CROCC2: variants seen among roughly 807,000 people sequenced by gnomAD.
The protein encoded by CROCC2 is ciliary rootlet coiled-coil protein 2.
In CROCC2, 163 loss-of-function variants were observed where a neutral mutation model predicts 177.6. The ratio of observed to expected loss-of-function variants is 0.92; its 90% confidence interval spans 0.81 to 1.05. The LOEUF (loss-of-function observed/expected upper bound fraction) is 1.05. Among genes scored for constraint, CROCC2 ranks in the 50% least tolerant of loss-of-function variants. The pLI is 0.00. For synonymous variants in CROCC2, 904 were observed against 787.3 expected (o/e 1.15, Z -2.48); for missense variants, 1,929 against 1,797.8 (o/e 1.07, Z -1.32).
In CROCC2 at chr2:240,911,900, C is replaced by T. The variant is rs982448125; in HGVS notation, c.78+5309C>T. 1.6e-4 allele frequency among the ~76,000 whole-genome samples: 25 copies of T among 152,180 alleles called. 1 individual carries two copies. Among genetic ancestry groups the T allele is most frequent in the East Asian group, 5.8e-4 (3 of 5,198 alleles). On this transcript the variant is annotated intron_variant, in intron 1 of 31. Coordinates refer to ENST00000690015, the MANE Select transcript of CROCC2 (RefSeq NM_001351305.2). ...GTTTATTCATTCATCTCTGAATGGA[C>T]GCCTGGGTAGCTTCTGCCTGCCGGC...
At chr2:240,934,496 C>T in intron 12 of CROCC2, 21 bp downstream of exon 12, 1 of 1,541,894 alleles carries the variant, frequency 6.5e-7, no homozygotes, top group Non-Finnish European at 8.7e-7. Context: ...CTCCCCACAA[C>T]CCCGCCCCCT....
Position 240,949,439 on chromosome 2 carries a change from T to C in CROCC2, c.2483-94T>C. Reference sequence around the variant, plus strand: ...CACTCCCGGAGCCTGGAGTGGACAGTGCTTGCCCCCAAGACTGTCACTCCC... The same window carrying C: ...CACTCCCGGAGCCTGGAGTGGACAGCGCTTGCCCCCAAGACTGTCACTCCC... On this transcript the variant is annotated intron_variant, in intron 16 of 31. Coordinates refer to ENST00000690015, the MANE Select transcript of CROCC2 (RefSeq NM_001351305.2). This position sits in a 1 kb window ranked among gnomAD's most constrained non-coding sequence, Gnocchi z 4.5. The C allele has an allele frequency of 7.0e-7, 1 of 1,437,056 alleles. No homozygotes were observed. Among genetic ancestry groups the C allele is most frequent in the Non-Finnish European group, 9.4e-7 (1 of 1,061,098 alleles). 89.0% of individuals were successfully genotyped at this position (1,437,056 alleles called of 1,614,324 possible).
At position 240,959,313 on chromosome 2, in the gene CROCC2, GC is replaced by G; in HGVS notation, c.2958del (p.Thr987ArgfsTer5). Reference protein sequence around the residue: ...QQEQAQATISATTEELKALQA... With the variant: ...QQEQAQATISXTTEELKALQA... ...CTTCTCCCCGCAGGCCACCATCAGT[GC>G]CACGACTGAGGAGCTGAAGGCCCTC... is the stretch of plus-strand genomic sequence containing the variant. On this transcript the variant is annotated frameshift_variant, in exon 20 of 32. Transcript: ENST00000690015. LOFTEE classifies it high-confidence loss of function. 1 of 1,550,422 alleles carries G rather than the reference GC, an allele frequency of 6.4e-7. No individual in the cohort carries two copies. Among genetic ancestry groups the G allele is most frequent in the South Asian group, 1.2e-5 (1 of 84,056 alleles).
chr2:240,962,690 A>G (rs2059651548), intron 20 of CROCC2, among the ~76,000 whole-genome samples: 1 of 151,946 alleles, frequency 6.6e-6, no homozygotes, highest in Admixed American at 6.6e-5. Context: ...CCCGCTGGCT[A>G]CCTCCGCCTC....
At chr2:240,966,451 C>T (rs930253564) in intron 25 of CROCC2, 42 bp downstream of exon 25, 6 of 399,540 alleles carry the variant, frequency 1.5e-5, no homozygotes, top group African/African-American at 6.2e-5. Context: ...CGGCACCCCC[C>T]GGGGGTCTCT....
chr2:240,986,765 G>A (rs1055124276), intron 28 of CROCC2, among the ~76,000 whole-genome samples: 5 of 152,234 alleles, frequency 3.3e-5, no homozygotes, highest in Admixed American at 2.0e-4. Flanking sequence ...CAGCCACCCA[G>A]GCTGGCCCTG....
In CROCC2 at chr2:240,953,589, G is replaced by A. The variant is rs899456043; in HGVS notation, c.2830-2270G>A. On this transcript the variant is annotated intron_variant, in intron 18 of 31. Coordinates refer to ENST00000690015, the MANE Select transcript of CROCC2 (RefSeq NM_001351305.2). The surrounding 1 kb of genome is among the most constrained non-coding windows in gnomAD (Gnocchi z 4.0). ...CCGGTGCAGCAAGTGAGTTTTCCCA[G>A]GACCTCTGCTTGGCCAGCTGCCCTT... Among the ~76,000 whole-genome samples the A allele has an allele frequency of 3.9e-5, 6 of 152,188 alleles. No individual in the cohort carries two copies. Among genetic ancestry groups the A allele is most frequent in the Non-Finnish European group, 7.3e-5 (5 of 68,034 alleles).
intron 20 of CROCC2, 101 bp downstream of exon 20, chr2:240,959,545 A>C: frequency 7.1e-7 from 1 of 1,402,258 alleles, no homozygotes. Flanking sequence ...GAGGAAAGAG[A>C]GGCTGTACCA....
rs2059807916 is a variant in CROCC2 at position 240,982,546 on chromosome 2, G to C, written c.4402-334G>C. 2 of 215,946 alleles carry C rather than the reference G, an allele frequency of 9.3e-6. No homozygotes were observed. Among genetic ancestry groups the C allele is most frequent in the East Asian group, 2.3e-4 (2 of 8,780 alleles). The allele number at this position is 215,946 out of a possible 1,614,324, so 13.4% of individuals were successfully genotyped here. ...TCCCAAGGGCAGTAGGAGCCACCAA[G>C]GCTGGAGGCAGGGCAGGGATGCCAC... On this transcript the variant is annotated intron_variant, in intron 27 of 31. Coordinates refer to ENST00000690015, the MANE Select transcript of CROCC2 (RefSeq NM_001351305.2). The surrounding 1 kb of genome is among the most constrained non-coding windows in gnomAD (Gnocchi z 4.7).
rs1290508115 is a variant in CROCC2, at chr2:240,958,538, C to T, written c.2944-763C>T. 3 of 983,834 alleles carry T rather than the reference C, an allele frequency of 3.0e-6. No individual in the cohort carries two copies. Among genetic ancestry groups the T allele is most frequent in the Non-Finnish European group, 3.6e-6 (3 of 828,478 alleles). The allele number at this position is 983,834 out of a possible 1,614,324, so 60.9% of individuals were successfully genotyped here. A position where few individuals can be genotyped will look rare whatever the true frequency, so the allele number is the denominator to read the frequency against. On this transcript the variant is annotated intron_variant, in intron 19 of 31. Coordinates refer to ENST00000690015, the MANE Select transcript of CROCC2 (RefSeq NM_001351305.2). This position sits in a 1 kb window ranked among gnomAD's most constrained non-coding sequence, Gnocchi z 6.7. ...ATGTGGGCACCTGTGCCCCCAGGAA[C>T]ACAAAGCCAGCTCTGGAGGGAGCCA...
rs1402101000 is a variant in CROCC2 at position 240,949,094 on chromosome 2, C to T, written c.2479C>T (p.Gln827Ter). ...RSAGLARQAL[Q>*]VEMEQLQSDW... The stretch of plus-strand genomic sequence containing the variant: ...CGCAGGACTCGCGCGGCAGGCCTTG[C>T]AAGGTGCTCCAAGGGCGCTCCCTCA... The change falls in exon 16 of 32, where the codon CAA becomes TAA. Residue 827 changes from glutamine (Q) to a stop codon, truncating the protein, a stop_gained. Transcript: ENST00000690015. LOFTEE classifies it high-confidence loss of function. This position sits in a 1 kb window ranked among gnomAD's most constrained non-coding sequence, Gnocchi z 4.5. The T allele has an allele frequency of 6.5e-7, 1 of 1,535,496 alleles. No homozygotes were observed. The highest frequency in any genetic ancestry group is 8.8e-7 in the Non-Finnish European group (1 of 1,141,328).
chr2:240,926,896 G>A (rs1378983397), intron 5 of CROCC2, among the ~76,000 whole-genome samples: 1 of 152,268 alleles, frequency 6.6e-6, no homozygotes, highest in African/African-American at 2.4e-5. Flanking sequence ...GTTTGAGGCA[G>A]ATCTCATGTT....
chr2:240,946,142 A>C lies in CROCC2; in HGVS notation c.2252A>C (p.Gln751Pro). ...GAGGCCCAGATGGGCACTCTGCAGC[A>C]AGCCCTGCAAGGAAAGGATGCTCTG... ...DQEAQMGTLQ[Q>P]ALQGKDALSE... The change falls in exon 15 of 32, where the codon CAA (glutamine) becomes CCA (proline). Residue 751 changes from glutamine (Q) to proline (P), a missense_variant. Gln to Pro is a moderately conservative substitution (Grantham distance 76). Coordinates refer to ENST00000690015, the MANE Select transcript of CROCC2 (RefSeq NM_001351305.2). 6.5e-7 allele frequency: 1 copy of C among 1,548,098 alleles called. No individual in the cohort carries two copies. Among genetic ancestry groups the C allele is most frequent in the Non-Finnish European group, 8.7e-7 (1 of 1,144,944 alleles).
In CROCC2 at chr2:240,963,603, C is replaced by T. The variant is rs542129003; in HGVS notation, c.3135C>T (p.Ala1045=). The change falls in exon 21 of 32, where the codon GCC becomes GCT. Residue 1045 remains alanine (A), a synonymous_variant. Coordinates refer to ENST00000690015, the MANE Select transcript of CROCC2 (RefSeq NM_001351305.2). The part of the protein sequence containing the change: ...AQLTVAQEGL[A]ALRQELQGVE... The stretch of plus-strand genomic sequence containing the variant: ...TGACCGTGGCCCAGGAGGGACTGGC[C>T]GCACTGCGCCAGGAGCTGCAGGGCG... The T allele has an allele frequency of 1.9e-5, 30 of 1,547,574 alleles. No individual in the cohort carries two copies. Among genetic ancestry groups the T allele is most frequent in the African/African-American group, 6.8e-5 (5 of 73,038 alleles).
intron 19 of CROCC2, 48 bp from the exon 20 acceptor site, chr2:240,959,252 TG>T (rs755124572): frequency 1.1e-4 from 162 of 1,541,170 alleles, no homozygotes; most frequent in South Asian, 4.8e-4. Context: ...CACCCTCCAC[TG>T]CTGGGCCCAG....
In CROCC2 at chr2:240,990,877, G is replaced by A. The variant is rs143792341; in HGVS notation, c.4864-319G>A. On this transcript the variant is annotated intron_variant, in intron 30 of 31. Coordinates refer to ENST00000690015, the MANE Select transcript of CROCC2 (RefSeq NM_001351305.2). The stretch of plus-strand genomic sequence containing the variant: ...CCCAAAGTGCTGGGATTACAGGCGT[G>A]AGCCACTGCACCCAGCCTCATTCTG... Among the ~76,000 whole-genome samples, 14 of 152,190 alleles carry A rather than the reference G, an allele frequency of 9.2e-5. No individual in the cohort carries two copies. The East Asian group carries it at 2.5e-3, about 27-fold the overall frequency.
chr2:240,943,411 C>CT lies in CROCC2; in HGVS notation c.2170-2648dup, dbSNP rs565802720. Reference sequence around the variant, plus strand: ...CCGGCTGCTTTGGTATATCTGAACTCTAAGTTATATCTCTTCAATCTCATA... The same window carrying CT: ...CCGGCTGCTTTGGTATATCTGAACTCTTAAGTTATATCTCTTCAATCTCATA... On this transcript the variant is annotated intron_variant, in intron 14 of 31. Transcript: ENST00000690015. Among the ~76,000 whole-genome samples, 12 of 151,836 alleles carry CT rather than the reference C, an allele frequency of 7.9e-5. No individual in the cohort carries two copies. In the East Asian group the frequency reaches 2.1e-3, roughly 27 times the overall value.
intron 19 of CROCC2, 104 bp downstream of exon 19, chr2:240,956,076 C>T: frequency 1.2e-6 from 1 of 806,276 alleles, no homozygotes; most frequent in South Asian, 1.6e-5. Context: ...CCTCTCCATC[C>T]CCTCCCTTCC....
rs1416250111 is a variant in CROCC2 at position 240,963,617 on chromosome 2, A to G, written c.3149A>G (p.Glu1050Gly). The change falls in exon 21 of 32, where the codon GAG becomes GGG. Residue 1050 changes from glutamate to glycine, a missense_variant. Glu to Gly is a moderately conservative substitution (Grantham distance 98). Transcript: ENST00000690015. The stretch of plus-strand genomic sequence containing the variant: ...GAGGGACTGGCCGCACTGCGCCAGG[A>G]GCTGCAGGGCGTCGAGGAGAGCCGG... ...AQEGLAALRQ[E>G]LQGVEESREG... The G allele has an allele frequency of 6.5e-7, 1 of 1,548,796 alleles. No homozygotes were observed. The highest frequency in any genetic ancestry group is 1.2e-5 in the South Asian group (1 of 83,926).
Sources: gnomAD v4.1 joint callset for allele counts (sites outside exome capture counted in the v4.1 genomes callset) on GRCh38, gnomAD v4.1.1 for gene constraint, Gnocchi (gnomAD v3.1) non-coding constraint, MANE v1.5 for transcripts, NCBI Gene and HGNC (gene_info 2026-07-23, HGNC 2026-07-21) for gene names.